SCML2: variants seen among roughly 807,000 people sequenced by gnomAD.
SCML2 encodes the protein sex comb on midleg-like protein 2.
Under a neutral mutation model 48.4 loss-of-function variants are expected in SCML2, and 6 were observed. That is an observed-to-expected ratio of 0.12 (90% CI 0.07 to 0.24). The LOEUF is 0.24. Among genes scored for constraint, SCML2 ranks in the 10% least tolerant of loss-of-function variants. The pLI, the probability that SCML2 is intolerant of heterozygous loss-of-function variation, is 1.00. For synonymous variants in SCML2, 181 were observed against 189.5 expected (o/e 0.95, Z 0.37); for missense variants, 377 against 528.2 (o/e 0.71, Z 2.81).
At chrX:18,259,738 A>C (rs952376161) in intron 9 of SCML2, among the ~76,000 whole-genome samples, 1 of 112,382 alleles carries the variant, frequency 8.9e-6, no homozygotes, top group Non-Finnish European at 1.9e-5. Context: ...TTTAGTCAGG[A>C]AAGAAAAATT....
chrX:18,315,017 A>G (rs1929072742), intron 6 of SCML2, among the ~76,000 whole-genome samples: 1 of 101,653 alleles, frequency 9.8e-6, no homozygotes, highest in Non-Finnish European at 2.0e-5. Context: ...ACTTAAGCCC[A>G]GGGGGCAGAG....
intron 6 of SCML2, among the ~76,000 whole-genome samples, chrX:18,316,187 G>A (rs1352120565): frequency 2.7e-5 from 3 of 112,150 alleles, no homozygotes; most frequent in Non-Finnish European, 3.8e-5. Flanking sequence ...TCAGGAATTC[G>A]AGACCAGCCT....
chrX:18,337,260 C>T (rs1929851755), intron 1 of SCML2, among the ~76,000 whole-genome samples: 1 of 95,474 alleles, frequency 1.0e-5, no homozygotes, highest in Non-Finnish European at 2.1e-5. Context: ...CAAGAACGCG[C>T]CACTCACTGC....
intron 6 of SCML2, among the ~76,000 whole-genome samples, chrX:18,308,499 T>G (rs1193634399): frequency 9.0e-6 from 1 of 110,838 alleles, no homozygotes; most frequent in Non-Finnish European, 1.9e-5. Context: ...ATAACCTGAT[T>G]TTAAAATGGG....
At chrX:18,346,249 T>A (rs1032192594) in intron 1 of SCML2, among the ~76,000 whole-genome samples, 1 of 111,111 alleles carries the variant, frequency 9.0e-6, no homozygotes, top group South Asian at 3.8e-4. Context: ...CTTTTTTTTT[T>A]ACTCTGAATT....
chrX:18,299,595 A>C (rs1187431831), intron 7 of SCML2, among the ~76,000 whole-genome samples: 1 of 111,440 alleles, frequency 9.0e-6, no homozygotes, highest in Admixed American at 9.5e-5. Context: ...CAAGTATATG[A>C]AAAAATGCTC....
At chrX:18,247,279 T>C (rs762456132) in intron 12 of SCML2, among the ~76,000 whole-genome samples, 36 of 111,804 alleles carry the variant, frequency 3.2e-4, no homozygotes, top group South Asian at 1.5e-3. Context: ...TTAATGGACA[T>C]TGTCCTACAG....
chrX:18,279,248 C>T (rs1830620565), intron 7 of SCML2, among the ~76,000 whole-genome samples: 1 of 112,725 alleles, frequency 8.9e-6, no homozygotes, highest in Non-Finnish European at 1.9e-5. Context: ...GATCACAGCA[C>T]AAACTACAAA....
At chrX:18,328,786 A>G (rs1169343148) in intron 3 of SCML2, among the ~76,000 whole-genome samples, 1 of 112,368 alleles carries the variant, frequency 8.9e-6, no homozygotes, top group Admixed American at 9.5e-5. Context: ...CAGATGCATG[A>G]GTTAATAAAA....
At chrX:18,335,450 G>A (rs1929781152) in intron 1 of SCML2, among the ~76,000 whole-genome samples, 2 of 111,438 alleles carry the variant, frequency 1.8e-5, no homozygotes, top group African/African-American at 6.5e-5. Flanking sequence ...GCTGCAGTAA[G>A]CTGTGATTGT....
chrX:18,325,262 C>A (rs1183276718), intron 3 of SCML2, among the ~76,000 whole-genome samples: 1 of 111,601 alleles, frequency 9.0e-6, no homozygotes, highest in African/African-American at 3.3e-5. Flanking sequence ...AAAATGTGGA[C>A]GTTAGAAATA....
At position 18,330,632 on chromosome X, in the gene SCML2, T is replaced by C; in HGVS notation, c.46A>G (p.Asn16Asp). ...CTTGACTGAGGAGTTTTCTCTTGATTCTCCTTCTTGACATCCATGGAATCT... is the reference window on the plus strand; with the variant it reads ...CTTGACTGAGGAGTTTTCTCTTGATCCTCCTTCTTGACATCCATGGAATCT... Reference protein sequence around the residue: ...NEDSMDVKKENQEKTPQSSTS... With the variant: ...NEDSMDVKKEDQEKTPQSSTS... The change falls in exon 3 of 15, where the codon AAT becomes GAT. Residue 16 changes from asparagine to aspartate, a missense_variant. Coordinates refer to ENST00000251900, the MANE Select transcript of SCML2 (RefSeq NM_006089.3). 3 of 1,170,690 alleles carry C rather than the reference T, an allele frequency of 2.6e-6. No individual in the cohort carries two copies. Among genetic ancestry groups the C allele is most frequent in the Non-Finnish European group, 3.5e-6 (3 of 869,009 alleles).
chrX:18,320,011 A>G (rs1375767216), intron 6 of SCML2, among the ~76,000 whole-genome samples: 1 of 112,335 alleles, frequency 8.9e-6, no homozygotes, highest in Non-Finnish European at 1.9e-5. Flanking sequence ...GATTCCCAAC[A>G]TTTTAAAAGA....
At chrX:18,352,606 A>C (rs1401048806) in intron 1 of SCML2, among the ~76,000 whole-genome samples, 2 of 111,925 alleles carry the variant, frequency 1.8e-5, no homozygotes, top group African/African-American at 6.5e-5. Context: ...ATGGGTGGAA[A>C]GCCTTAAACA....
intron 1 of SCML2, among the ~76,000 whole-genome samples, chrX:18,349,647 A>T (rs760754255): frequency 9.0e-6 from 1 of 111,471 alleles, no homozygotes; most frequent in South Asian, 3.7e-4. Context: ...TTTTTAAAAA[A>T]TTAGCTGGGC....
At chrX:18,334,204 AATG>A in intron 1 of SCML2, 109 bp from the exon 2 acceptor site, 1 of 519,012 alleles carries the variant, frequency 1.9e-6, no homozygotes, top group Non-Finnish European at 3.1e-6. Context: ...CTTAAACAAA[AATG>A]ATAAGATTTG....
chrX:18,337,499 C>A (rs1929870043), intron 1 of SCML2, among the ~76,000 whole-genome samples: 1 of 109,209 alleles, frequency 9.2e-6, no homozygotes. Context: ...GACTTGAGAG[C>A]AAGGAAAGTT....
At chrX:18,267,377 C>A (rs929201958) in intron 7 of SCML2, among the ~76,000 whole-genome samples, 1 of 111,445 alleles carries the variant, frequency 9.0e-6, no homozygotes, top group Non-Finnish European at 1.9e-5. Flanking sequence ...CCACCAAAAA[C>A]CCCTAACTAG....
At chrX:18,341,127 G>A (rs1354760181) in intron 1 of SCML2, 1 of 197,881 alleles carries the variant, frequency 5.1e-6, no homozygotes, top group Non-Finnish European at 9.8e-6. Context: ...GCCATGGTGA[G>A]AGGCACTGGC....
Sources: allele counts gnomAD v4.1 joint callset (sites outside exome capture counted in the v4.1 genomes callset), GRCh38; gene constraint gnomAD v4.1.1; transcripts MANE v1.5; gene names NCBI Gene and HGNC (gene_info 2026-07-23, HGNC 2026-07-21).